Variants in PPARGC1A observed in about 807,000 individuals in gnomAD.
PPARGC1A encodes peroxisome proliferator-activated receptor gamma coactivator 1-alpha.
Under a neutral mutation model 88.7 loss-of-function variants are expected in PPARGC1A, and 25 were observed. The observed-to-expected ratio is 0.28, with a 90% confidence interval of 0.21 to 0.39. PPARGC1A has a LOEUF of 0.39. Ranked by LOEUF, PPARGC1A falls within the 10% of genes least tolerant of loss-of-function variation. The pLI is 1.00. For missense variants in PPARGC1A, 880 were observed against 968.7 expected (o/e 0.91, Z 1.22); for synonymous variants, 363 against 355.6 (o/e 1.02, Z -0.24).
chr4:24,191,892 G>A, the PPARGC1A span, among the ~76,000 whole-genome samples: 1 of 152,320 alleles, frequency 6.6e-6, no homozygotes, highest in Non-Finnish European at 1.5e-5. Context: ...GAGTGAGAAA[G>A]AAGCAAAAAG....
chr4:24,143,156 T>A, the PPARGC1A span, among the ~76,000 whole-genome samples: 1 of 152,156 alleles, frequency 6.6e-6, no homozygotes, highest in Non-Finnish European at 1.5e-5. Flanking sequence ...TAAAGGAGAA[T>A]TATGAAGATT....
chr4:23,930,006 T>C, the PPARGC1A span, among the ~76,000 whole-genome samples: 1 of 152,288 alleles, frequency 6.6e-6, no homozygotes, highest in East Asian at 1.9e-4. Flanking sequence ...ACCTCTCCTA[T>C]AGATTTGCAG....
At chr4:23,866,884 T>A (rs941854819) in intron 2 of PPARGC1A, among the ~76,000 whole-genome samples, 1 of 152,170 alleles carries the variant, frequency 6.6e-6, no homozygotes, top group African/African-American at 2.4e-5. Context: ...ATCCTTCTTA[T>A]TTTGCTGCGC....
chr4:23,828,435 T>G lies in PPARGC1A; in HGVS notation c.722A>C (p.Lys241Thr). The G allele has an allele frequency of 3.7e-6, 6 of 1,614,116 alleles. No homozygotes were observed. The highest frequency in any genetic ancestry group is 5.1e-6 in the Non-Finnish European group (6 of 1,179,982). Reference sequence around the variant, plus strand: ...TTGTGACTGCGACTGTGTGTGGGACTTCTTTTTGGAGGTGCATTTGTCTCT... The same window carrying G: ...TTGTGACTGCGACTGTGTGTGGGACGTCTTTTTGGAGGTGCATTTGTCTCT... ...SSRDKCTSKK[K>T]SHTQSQSQHL... Residue 241 changes from lysine (K) to threonine (T), a missense_variant, in exon 5 of 13, where the codon AAG (lysine) becomes ACG (threonine). Lys to Thr is a moderately conservative substitution (Grantham distance 78). Transcript: ENST00000264867.
At chr4:23,869,895 T>C (rs1244384394) in intron 2 of PPARGC1A, among the ~76,000 whole-genome samples, 1 of 152,170 alleles carries the variant, frequency 6.6e-6, no homozygotes, top group African/African-American at 2.4e-5. Flanking sequence ...TATATTTGTC[T>C]TGACCAACGT....
At chr4:24,336,461 A>C in the PPARGC1A span, among the ~76,000 whole-genome samples, 1 of 152,246 alleles carries the variant, frequency 6.6e-6, no homozygotes, top group Non-Finnish European at 1.5e-5. Context: ...ATACAGAAAA[A>C]TATAAAGAGA....
At chr4:24,356,328 G>C in the PPARGC1A span, among the ~76,000 whole-genome samples, 2 of 152,144 alleles carry the variant, frequency 1.3e-5, no homozygotes, top group African/African-American at 4.8e-5. Context: ...TCACGGGAAG[G>C]CCCAGGGTCT....
chr4:23,831,680 A>T lies in PPARGC1A; in HGVS notation c.306T>A (p.Asp102Glu). The change falls in exon 3 of 13, where the codon GAT becomes GAA. Residue 102 changes from aspartate (D) to glutamate (E), a missense_variant. Coordinates refer to ENST00000264867, the MANE Select transcript of PPARGC1A (RefSeq NM_013261.5). ...LTETLDSLPV[D>E]EDGLPSFDAL... ...CATCAAATGAGGGCAATCCGTCTTCATCCACAGGGAGACTGTCTAGTGTCT... is the reference window on the plus strand; with the variant it reads ...CATCAAATGAGGGCAATCCGTCTTCTTCCACAGGGAGACTGTCTAGTGTCT... The T allele has an allele frequency of 6.2e-7, 1 of 1,613,998 alleles. No individual in the cohort carries two copies. Among genetic ancestry groups the T allele is most frequent in the Non-Finnish European group, 8.5e-7 (1 of 1,179,878 alleles).
chr4:24,304,674 G>C, the PPARGC1A span, among the ~76,000 whole-genome samples: 5 of 152,112 alleles, frequency 3.3e-5, no homozygotes, highest in African/African-American at 1.2e-4. Flanking sequence ...ATGACCACTT[G>C]TTTCACTGAC....
intron 2 of PPARGC1A, among the ~76,000 whole-genome samples, chr4:23,850,676 A>C (rs1207399384): frequency 6.6e-6 from 1 of 152,182 alleles, no homozygotes; most frequent in African/African-American, 2.4e-5. Flanking sequence ...CTTGCTGTGC[A>C]CTAGGGATAC....
Position 23,811,291 on chromosome 4 carries a change from T to C in PPARGC1A, c.2019+1456A>G, listed in dbSNP as rs191667062. Among the ~76,000 whole-genome samples the C allele has an allele frequency of 7.0e-4, 106 of 151,688 alleles. 2 individuals carry two copies. In the East Asian group the frequency reaches 0.019, roughly 28 times the overall value. ...GCAAAATTGTGTTGATGTTAGTGAG[T>C]TTTTTTAAAGATAACACATAAATCT... On this transcript the variant is annotated intron_variant, in intron 10 of 12. Transcript: ENST00000264867.
At chr4:23,833,174 T>C (rs1309192892) in intron 2 of PPARGC1A, among the ~76,000 whole-genome samples, 2 of 152,198 alleles carry the variant, frequency 1.3e-5, no homozygotes. Context: ...ATTTCAGTAC[T>C]CTGTAAAAAA....
chr4:24,139,522 T>C, the PPARGC1A span, among the ~76,000 whole-genome samples: 3 of 152,068 alleles, frequency 2.0e-5, no homozygotes, highest in Non-Finnish European at 4.4e-5. Flanking sequence ...TTACAGACAA[T>C]ACGTGAAGAG....
chr4:24,442,959 G>C, the PPARGC1A span, among the ~76,000 whole-genome samples: 1 of 152,160 alleles, frequency 6.6e-6, no homozygotes, highest in Non-Finnish European at 1.5e-5. Context: ...GGGACGCAAA[G>C]ACAAGCTGCC....
chr4:23,941,695 T>C, the PPARGC1A span, among the ~76,000 whole-genome samples: 1 of 151,922 alleles, frequency 6.6e-6, no homozygotes, highest in Non-Finnish European at 1.5e-5. Flanking sequence ...TCTACAGGGG[T>C]CATGAACAGT....
the PPARGC1A span, among the ~76,000 whole-genome samples, chr4:24,457,541 TTGTTTG>T: frequency 0.016 from 2,369 of 151,698 alleles, 33 homozygotes; most frequent in Non-Finnish European, 0.023. Context: ...GTTTGTTTGT[TTGTTTG>T]TTTGTTTGTT....
the PPARGC1A span, among the ~76,000 whole-genome samples, chr4:24,411,613 CACTGT>C: frequency 3.3e-5 from 5 of 152,184 alleles, no homozygotes; most frequent in Admixed American, 6.5e-5. Flanking sequence ...ATGCAACCAC[CACTGT>C]AGTATCATAC....
chr4:24,314,616 A>G, the PPARGC1A span, among the ~76,000 whole-genome samples: 1 of 152,234 alleles, frequency 6.6e-6, no homozygotes, highest in Non-Finnish European at 1.5e-5. Context: ...TAATTAAAAG[A>G]AAGATTTGCG....
In PPARGC1A at chr4:23,802,338, C is replaced by T. The variant is rs143962880; in HGVS notation, c.2027G>A (p.Arg676His). Residue 676 changes from arginine to histidine, a missense_variant, in exon 11 of 13, where the codon CGC becomes CAC. By Grantham distance (29) the Arg-to-His change is conservative. Transcript: ENST00000264867. ...GATTTTACCGACATAAATCACACGG[C>T]GCTCTTCCTATGGGGGGAAGGAAGG... The part of the protein sequence containing the change: ...ERQRQKAIEE[R>H]RVIYVGKIRP... 7.7e-5 allele frequency: 124 copies of T among 1,613,858 alleles called. No homozygotes were observed. Among genetic ancestry groups the T allele is most frequent in the Middle Eastern group, 4.9e-4 (3 of 6,080 alleles).
Sources: gnomAD v4.1 joint callset for allele counts (sites outside exome capture counted in the v4.1 genomes callset) on GRCh38, gnomAD v4.1.1 for gene constraint, MANE v1.5 for transcripts, NCBI Gene and HGNC (gene_info 2026-07-23, HGNC 2026-07-21) for gene names.